Variants in NCAPH2 observed in about 807,000 individuals in gnomAD.
The protein encoded by NCAPH2 is condensin-2 complex subunit H2.
A neutral mutation model predicts 88.6 loss-of-function variants in NCAPH2; 56 were observed. The observed-to-expected ratio is 0.63, with a 90% CI of 0.51 to 0.79. The LOEUF is 0.79. NCAPH2 is among the 30% of genes least tolerant of loss of function. The pLI, the probability that NCAPH2 is intolerant of heterozygous loss-of-function variation, is 0.00. For synonymous variants in NCAPH2, 378 were observed against 313.6 expected, an observed-to-expected ratio of 1.21 and a Z score of -2.17; for missense variants, 794 against 792.0, an observed-to-expected ratio of 1.00 and a Z score of -0.03.
At position 50,524,040 on chromosome 22, in the gene NCAPH2, C is replaced by A; in HGVS notation, c.*665C>A. On this transcript the variant is annotated 3_prime_UTR_variant, in exon 20 of 20. Coordinates refer to ENST00000420993, the MANE Select transcript of NCAPH2 (RefSeq NM_152299.4). ...AGTGAGTGAAGCCAAAGTACATCAG[C>A]ACCCACTGGCCCCGGAAGTCAGCCT... The A allele has an allele frequency of 5.0e-6, 8 of 1,613,528 alleles. No individual in the cohort carries two copies. Among genetic ancestry groups the A allele is most frequent in the Non-Finnish European group, 6.8e-6 (8 of 1,180,042 alleles).
intron 2 of NCAPH2, among the ~76,000 whole-genome samples, 157 bp downstream of exon 2, chr22:50,516,705 A>G (rs1467241379): frequency 1.3e-5 from 2 of 152,154 alleles, no homozygotes; most frequent in Admixed American, 1.3e-4. Flanking sequence ...AACACCAAGA[A>G]CAATTTTTAA....
intron 1 of NCAPH2, chr22:50,515,721 G>A (rs778465668): frequency 3.3e-5 from 26 of 791,016 alleles, no homozygotes; most frequent in Non-Finnish European, 4.5e-5. Flanking sequence ...TTTTTAAAGT[G>A]TCATTTGCTG....
In NCAPH2 at chr22:50,524,455, A is replaced by C. The variant is rs773190530; in HGVS notation, c.*1080A>C. On this transcript the variant is annotated 3_prime_UTR_variant, in exon 20 of 20. Coordinates refer to ENST00000420993, the MANE Select transcript of NCAPH2 (RefSeq NM_152299.4). ...AACAAGCACAGGCGTCAGGAGCCAG[A>C]AGGGAAGGCCCAGGACAGTGCCTGG... 21 of 1,599,104 alleles carry C rather than the reference A, an allele frequency of 1.3e-5. No individual in the cohort carries two copies. The highest frequency in any genetic ancestry group is 1.7e-5 in the Non-Finnish European group (20 of 1,170,972).
Position 50,521,046 on chromosome 22 carries a change from T to G in NCAPH2, c.933+10T>G, listed in dbSNP as rs1270964286. 6.5e-7 allele frequency: 1 copy of G among 1,549,700 alleles called. No individual in the cohort carries two copies. Among genetic ancestry groups the G allele is most frequent in the East Asian group, 2.4e-5 (1 of 40,912 alleles). ...TGCATCCTGCGTGAAGGTAGGAGTG[T>G]TGGGGCCCTGACCCCCGGCAGGGAG... On this transcript the variant is annotated intron_variant, in intron 10 of 19. Transcript: ENST00000420993.
At chr22:50,512,327 G>T (rs1223562905) in intron 1 of NCAPH2, among the ~76,000 whole-genome samples, 2 of 152,204 alleles carry the variant, frequency 1.3e-5, no homozygotes, top group Non-Finnish European at 2.9e-5. Flanking sequence ...AGCTCCTGTG[G>T]ATTCAGGTTT....
intron 1 of NCAPH2, among the ~76,000 whole-genome samples, chr22:50,514,946 T>A (rs1194046296): frequency 1.3e-5 from 2 of 152,256 alleles, no homozygotes; most frequent in African/African-American, 4.8e-5. Flanking sequence ...ACGTGTCCAG[T>A]CTCTGCTAGC....
chr22:50,522,639 T>C lies in NCAPH2; in HGVS notation c.1376-32T>C, dbSNP rs2069142330. The C allele has an allele frequency of 4.3e-6, 7 of 1,613,550 alleles. No individual in the cohort carries two copies. In the South Asian group the frequency reaches 6.6e-5, roughly 15 times the overall value. On this transcript the variant is annotated intron_variant, in intron 16 of 19. Coordinates refer to ENST00000420993, the MANE Select transcript of NCAPH2 (RefSeq NM_152299.4). ...GGGGGCAGGGGAGAGCGTGGCCCCT[T>C]AGCTGCCCAGCTCACAGCTACCCCT...
chr22:50,524,655 C>A lies in NCAPH2; in HGVS notation c.*1280C>A, dbSNP rs1157205086. On this transcript the variant is annotated 3_prime_UTR_variant, in exon 20 of 20. Transcript: ENST00000420993. ...TCTACCTGGGATCACCAGCCTGTCACCGCACCCTGCCCTGCACCTGCACCT... is the reference window on the plus strand; with the variant it reads ...TCTACCTGGGATCACCAGCCTGTCAACGCACCCTGCCCTGCACCTGCACCT... 2.9e-6 allele frequency: 2 copies of A among 694,116 alleles called. No individual in the cohort carries two copies. The highest frequency in any genetic ancestry group is 1.5e-5 in the South Asian group (1 of 66,548). 43.0% of individuals were successfully genotyped at this position (694,116 alleles called of 1,614,324 possible). A position where few individuals can be genotyped will look rare whatever the true frequency, so the allele number is the denominator to read the frequency against.
chr22:50,523,371 C>G lies in NCAPH2; in HGVS notation c.1814C>G (p.Pro605Arg). Reference sequence around the variant, plus strand: ...TACGCTGCCCCCTCCATGGCCCAGCCCTGAGTGGGGAGCACCGAGGCAGGG... The same window carrying G: ...TACGCTGCCCCCTCCATGGCCCAGCGCTGAGTGGGGAGCACCGAGGCAGGG... ...QTYAAPSMAQ[P>R] Residue 605 changes from proline (P) to arginine (R), a missense_variant, in exon 20 of 20, where the codon CCC becomes CGC. Around this residue, in one of 2 missense-constraint regions of NCAPH2, gnomAD observed 735 missense variants for 696.3 expected, o/e 1.06. Transcript: ENST00000420993. 6.5e-7 allele frequency: 1 copy of G among 1,545,958 alleles called. No individual in the cohort carries two copies. Among genetic ancestry groups the G allele is most frequent in the Non-Finnish European group, 8.7e-7 (1 of 1,144,826 alleles).
chr22:50,510,153 C>T (rs543247036), intron 1 of NCAPH2, among the ~76,000 whole-genome samples: 1 of 152,332 alleles, frequency 6.6e-6, no homozygotes, highest in Non-Finnish European at 1.5e-5. Context: ...GATCTCCTGA[C>T]CTCGTGATCC....
intron 1 of NCAPH2, among the ~76,000 whole-genome samples, chr22:50,514,856 C>G (rs2068873186): frequency 6.6e-6 from 1 of 152,224 alleles, no homozygotes; most frequent in African/African-American, 2.4e-5. Context: ...TTCGTGCTAC[C>G]ATGGTGCCTA....
Position 50,521,760 on chromosome 22 carries a change from C to G in NCAPH2, c.1020C>G (p.Pro340=), listed in dbSNP as rs778055379. ...PFKKGRPYSV[P]PCVEEALGQK... ...CCCCAGGTAGGCCTTACTCTGTGCC[C>G]CCCTGTGTGGAGGAGGCTCTGGGAC... is the stretch of plus-strand genomic sequence containing the variant. The change falls in exon 12 of 20, where the codon CCC becomes CCG. Residue 340 remains proline (P), a synonymous_variant. Transcript: ENST00000420993. The G allele has an allele frequency of 6.2e-7, 1 of 1,613,972 alleles. No homozygotes were observed. Among genetic ancestry groups the G allele is most frequent in the Admixed American group, 1.7e-5 (1 of 60,018 alleles).
At chr22:50,515,816 C>G (rs777868551) in intron 1 of NCAPH2, 3 of 1,288,544 alleles carry the variant, frequency 2.3e-6, no homozygotes, top group South Asian at 2.5e-5. Flanking sequence ...TTTGAATGTA[C>G]TCTGTGGACA....
In NCAPH2 at chr22:50,523,528, C is replaced by T. The variant is rs1454626086; in HGVS notation, c.*153C>T. ...CTGCGCAGAGAAGAGGGCTGCCTGG[C>T]CTCCCTGGGCCGCTGGTACAGATCA... is the stretch of plus-strand genomic sequence containing the variant. On this transcript the variant is annotated 3_prime_UTR_variant, in exon 20 of 20. Transcript: ENST00000420993. 1 of 1,567,134 alleles carries T rather than the reference C, an allele frequency of 6.4e-7. No homozygotes were observed. The highest frequency in any genetic ancestry group is 8.7e-7 in the Non-Finnish European group (1 of 1,152,432).
At chr22:50,508,579 T>A in intron 1 of NCAPH2, 134 bp downstream of exon 1, 1 of 545,136 alleles carries the variant, frequency 1.8e-6, no homozygotes, top group Non-Finnish European at 3.0e-6. Flanking sequence ...GCGCAGGTCC[T>A]CGGGCTCCCT....
chr22:50,516,571 C>T (rs1397585597), intron 2 of NCAPH2, 23 bp downstream of exon 2: 2 of 1,610,514 alleles, frequency 1.2e-6, no homozygotes, highest in African/African-American at 1.3e-5. Context: ...TGACGCTGGT[C>T]TTGGCATTTT....
chr22:50,509,169 C>T (rs1203271049), intron 1 of NCAPH2, among the ~76,000 whole-genome samples: 2 of 152,144 alleles, frequency 1.3e-5, no homozygotes, highest in Non-Finnish European at 1.5e-5. Context: ...TTGAGTTCCT[C>T]AGGATGGGGC....
intron 1 of NCAPH2, among the ~76,000 whole-genome samples, chr22:50,511,898 C>G (rs1051742062): frequency 6.6e-6 from 1 of 152,184 alleles, no homozygotes; most frequent in Non-Finnish European, 1.5e-5. Flanking sequence ...CCACCCGCCT[C>G]GGCCTCCCAA....
chr22:50,517,686 C>T, intron 4 of NCAPH2, 25 bp downstream of exon 4: 1 of 1,614,102 alleles, frequency 6.2e-7, no homozygotes, highest in Non-Finnish European at 8.5e-7. Flanking sequence ...CATGTGGTCC[C>T]CGCCCACTGT....
Sources: allele counts gnomAD v4.1 joint callset (sites outside exome capture counted in the v4.1 genomes callset), GRCh38; gene constraint gnomAD v4.1.1; regional missense constraint gnomAD v4.1.1; transcripts MANE v1.5; gene names NCBI Gene and HGNC (gene_info 2026-07-23, HGNC 2026-07-21).